Variants in SLC2A13 observed in about 807,000 individuals in gnomAD.
SLC2A13 encodes the protein proton myo-inositol cotransporter.
In SLC2A13, 32 loss-of-function variants were observed where a neutral mutation model predicts 64.4. The ratio of observed to expected loss-of-function variants is 0.50; its 90% CI spans 0.37 to 0.67. SLC2A13 has a LOEUF of 0.67. Ranked by LOEUF, SLC2A13 falls within the 30% of genes least tolerant of loss-of-function variation. The probability of loss-of-function intolerance (pLI) is 0.00; values close to 1 mark genes in which losing one functional copy is unlikely to be tolerated. For missense variants in SLC2A13, 743 were observed against 829.2 expected (o/e 0.90, Z 1.28); for synonymous variants, 338 against 327.1 (o/e 1.03, Z -0.36).
rs77775356 is a variant in SLC2A13, at chr12:40,068,765, A to C, written c.557-20555T>G. ...TAAATTTAAAAATAACATACTCTAC[A>C]AAAAAAAAAAATCATAGACACAGCT... On this transcript the variant is annotated intron_variant, in intron 1 of 9. Transcript: ENST00000280871. Among the ~76,000 whole-genome samples, 3 of 136,150 alleles carry C rather than the reference A, an allele frequency of 2.2e-5. No individual in the cohort carries two copies. The East Asian group carries it at 6.1e-4, about 28-fold the overall frequency. 89.3% of individuals were successfully genotyped at this position (136,150 alleles called of 152,430 possible).
intron 3 of SLC2A13, among the ~76,000 whole-genome samples, chr12:39,998,488 A>G (rs1947269999): frequency 6.6e-6 from 1 of 152,208 alleles, no homozygotes; most frequent in African/African-American, 2.4e-5. Context: ...TGGATGTGAG[A>G]CATGGAGTCA....
intron 1 of SLC2A13, among the ~76,000 whole-genome samples, chr12:40,079,956 C>G (rs1481951737): frequency 1.3e-5 from 2 of 152,268 alleles, no homozygotes; most frequent in East Asian, 3.9e-4. Context: ...CTCCATCTCC[C>G]AGGTTCAAGT....
At chr12:39,764,660 T>C (rs750257460) in intron 8 of SLC2A13, 48 bp from the exon 9 acceptor site, 2 of 1,581,534 alleles carry the variant, frequency 1.3e-6, no homozygotes, top group South Asian at 2.3e-5. Flanking sequence ...ATGTAAGAAA[T>C]TTGAAAAATT....
At chr12:39,877,455 C>T (rs931830983) in intron 4 of SLC2A13, among the ~76,000 whole-genome samples, 12 of 152,188 alleles carry the variant, frequency 7.9e-5, no homozygotes, top group Admixed American at 1.3e-4. Flanking sequence ...GTGGGTATTA[C>T]AGGAGCTACA....
At chr12:39,850,157 T>C (rs1228807773) in intron 6 of SLC2A13, among the ~76,000 whole-genome samples, 1 of 152,090 alleles carries the variant, frequency 6.6e-6, no homozygotes, top group Admixed American at 6.5e-5. Flanking sequence ...TCCACAATAA[T>C]AAAGGAGTCA....
At chr12:40,059,167 C>T (rs1027437479) in intron 1 of SLC2A13, among the ~76,000 whole-genome samples, 1 of 152,156 alleles carries the variant, frequency 6.6e-6, no homozygotes, top group East Asian at 1.9e-4. Context: ...TGCTGCTACT[C>T]AATGATTTGA....
chr12:39,906,382 T>C (rs945113058), intron 4 of SLC2A13, among the ~76,000 whole-genome samples: 1 of 152,112 alleles, frequency 6.6e-6, no homozygotes. Context: ...TGCCTTGATA[T>C]GCACATTTAT....
intron 7 of SLC2A13, among the ~76,000 whole-genome samples, chr12:39,817,095 A>C (rs1214228003): frequency 6.6e-6 from 1 of 152,206 alleles, no homozygotes; most frequent in Non-Finnish European, 1.5e-5. Flanking sequence ...TAACAGCAAA[A>C]ACACAGAGAA....
intron 9 of SLC2A13, among the ~76,000 whole-genome samples, chr12:39,760,840 T>C (rs1425558097): frequency 6.6e-6 from 1 of 151,880 alleles, no homozygotes; most frequent in Non-Finnish European, 1.5e-5. Context: ...CCTAGATGGA[T>C]GAGATATATG....
At chr12:39,894,234 A>T (rs1047255875) in intron 4 of SLC2A13, among the ~76,000 whole-genome samples, 5 of 152,238 alleles carry the variant, frequency 3.3e-5, no homozygotes, top group Non-Finnish European at 5.9e-5. Flanking sequence ...AGTAAGTAAC[A>T]TGACTATCTT....
intron 3 of SLC2A13, among the ~76,000 whole-genome samples, chr12:40,026,138 T>G (rs1272505646): frequency 2.6e-5 from 4 of 152,218 alleles, no homozygotes; most frequent in Non-Finnish European, 5.9e-5. Flanking sequence ...TGCGTACTTT[T>G]TAAAAAGAAC....
chr12:40,058,052 GATA>G (rs1323464527), intron 1 of SLC2A13, among the ~76,000 whole-genome samples: 23 of 147,542 alleles, frequency 1.6e-4, no homozygotes, highest in Non-Finnish European at 3.3e-4. Flanking sequence ...CAGATAGATA[GATA>G]GATAGATAGA....
At chr12:39,902,646 C>G (rs550548196) in intron 4 of SLC2A13, among the ~76,000 whole-genome samples, 33 of 152,078 alleles carry the variant, frequency 2.2e-4, no homozygotes, top group Non-Finnish European at 4.4e-4. Context: ...TTGAACATTT[C>G]AGTGGTAAAG....
chr12:39,967,211 T>C (rs1565566307), intron 3 of SLC2A13, among the ~76,000 whole-genome samples: 1 of 152,220 alleles, frequency 6.6e-6, no homozygotes, highest in Non-Finnish European at 1.5e-5. Flanking sequence ...ATAAAACTTG[T>C]TTCTACATAT....
intron 7 of SLC2A13, among the ~76,000 whole-genome samples, chr12:39,811,501 T>C (rs1000308734): frequency 6.6e-6 from 1 of 152,160 alleles, no homozygotes; most frequent in Non-Finnish European, 1.5e-5. Context: ...CTTGATATGT[T>C]ATAATTTCAT....
chr12:39,937,625 T>C (rs1361590792), intron 4 of SLC2A13, among the ~76,000 whole-genome samples: 2 of 152,204 alleles, frequency 1.3e-5, no homozygotes, highest in African/African-American at 2.4e-5. Context: ...TTTCTAAAGA[T>C]GTCCTGAGGC....
intron 4 of SLC2A13, among the ~76,000 whole-genome samples, chr12:39,890,786 T>C (rs1359122048): frequency 6.6e-6 from 1 of 152,218 alleles, no homozygotes. Context: ...GTTATGGGAC[T>C]GATTAAACAA....
chr12:39,796,716 T>C (rs1333330169), intron 7 of SLC2A13, among the ~76,000 whole-genome samples: 1 of 152,162 alleles, frequency 6.6e-6, no homozygotes, highest in African/African-American at 2.4e-5. Flanking sequence ...TCAACTTTGT[T>C]TAGATGGGTC....
At chr12:39,930,601 G>A (rs1945810116) in intron 4 of SLC2A13, among the ~76,000 whole-genome samples, 1 of 152,106 alleles carries the variant, frequency 6.6e-6, no homozygotes, top group Admixed American at 6.5e-5. Context: ...TAAAAGAAGT[G>A]CAAGTAATTG....
Sources: gnomAD v4.1 joint callset for allele counts (sites outside exome capture counted in the v4.1 genomes callset) on GRCh38, gnomAD v4.1.1 for gene constraint, MANE v1.5 for transcripts, NCBI Gene and HGNC (gene_info 2026-07-23, HGNC 2026-07-21) for gene names.